Variants in LRMDA observed in about 807,000 individuals in gnomAD.
LRMDA encodes the protein leucine-rich melanocyte differentiation-associated protein.
LRMDA carries 18 observed loss-of-function variants against 29.8 expected under a neutral mutation model. That is an observed-to-expected ratio of 0.60 (90% CI 0.42 to 0.90). The LOEUF is 0.90. LRMDA is among the 40% of genes least tolerant of loss of function. The pLI, the probability that LRMDA is intolerant of heterozygous loss-of-function variation, is 0.00. For synonymous variants in LRMDA, 125 were observed against 109.4 expected, an observed-to-expected ratio of 1.14 and a Z score of -0.89; for missense variants, 273 against 273.9, an observed-to-expected ratio of 1.00 and a Z score of 0.02.
chr10:76,227,356 C>A (rs1165190043), intron 5 of LRMDA, among the ~76,000 whole-genome samples: 1 of 152,086 alleles, frequency 6.6e-6, no homozygotes, highest in African/African-American at 2.4e-5. Context: ...TATTCTTATG[C>A]AAGAGTCTTA....
rs1240460610 is a variant in LRMDA at position 75,438,392 on chromosome 10, A to C, written c.31-2A>C. On this transcript the variant is annotated splice_acceptor_variant, in intron 1 of 6. Transcript: ENST00000611255. LOFTEE classifies it high-confidence loss of function. ...ATTGTTTCTGTTCCATTTAATTTCC[A>C]GGTGTCCTACATAGGCCAGGACTGC... 1.3e-6 allele frequency: 2 copies of C among 1,549,408 alleles called. No individual in the cohort carries two copies. The highest frequency in any genetic ancestry group is 1.7e-6 in the Non-Finnish European group (2 of 1,145,640).
At chr10:76,328,980 A>C (rs1327592887) in intron 6 of LRMDA, among the ~76,000 whole-genome samples, 1 of 152,186 alleles carries the variant, frequency 6.6e-6, no homozygotes, top group South Asian at 2.1e-4. Flanking sequence ...AGCTTGCTGG[A>C]AAGTTTCTGT....
At chr10:76,214,394 G>GGAC (rs1564688281) in intron 5 of LRMDA, among the ~76,000 whole-genome samples, 2,207 of 134,948 alleles carry the variant, frequency 0.016, 53 homozygotes, top group African/African-American at 0.057. Context: ...GCCGGACTGC[G>GGAC]TCCGCAGTGG....
intron 2 of LRMDA, among the ~76,000 whole-genome samples, chr10:75,574,002 C>T (rs1840470291): frequency 6.6e-6 from 1 of 151,492 alleles, no homozygotes; most frequent in Non-Finnish European, 1.5e-5. Flanking sequence ...TTTTTCTGCC[C>T]AGAGGCATGA....
intron 2 of LRMDA, among the ~76,000 whole-genome samples, chr10:75,938,049 G>T (rs1846326369): frequency 1.3e-5 from 2 of 152,196 alleles, no homozygotes; most frequent in African/African-American, 4.8e-5. Flanking sequence ...GGAGGAAATT[G>T]TAGGACAAAT....
At chr10:76,484,078 CCTT>C (rs758041771) in intron 6 of LRMDA, among the ~76,000 whole-genome samples, 14 of 151,878 alleles carry the variant, frequency 9.2e-5, no homozygotes, top group East Asian at 2.0e-4. Context: ...TGCTCTTCCT[CCTT>C]CTTTTCCCTC....
intron 5 of LRMDA, among the ~76,000 whole-genome samples, chr10:76,110,778 C>G (rs1849564730): frequency 6.6e-6 from 1 of 152,166 alleles, no homozygotes; most frequent in Admixed American, 6.5e-5. Context: ...CCATGTGGAA[C>G]TGTAAGTCGA....
chr10:76,208,097 G>A (rs1018600796), intron 5 of LRMDA, among the ~76,000 whole-genome samples: 1 of 151,982 alleles, frequency 6.6e-6, no homozygotes, highest in Non-Finnish European at 1.5e-5. Context: ...AGTTTTTCTT[G>A]TACAAGATTG....
chr10:75,784,085 T>G (rs1843429894), intron 2 of LRMDA, among the ~76,000 whole-genome samples: 1 of 152,214 alleles, frequency 6.6e-6, no homozygotes, highest in African/African-American at 2.4e-5. Context: ...CTCTAGATTA[T>G]GTGTCTGGGT....
intron 6 of LRMDA, among the ~76,000 whole-genome samples, chr10:76,485,201 C>T (rs1453282598): frequency 6.6e-6 from 1 of 151,688 alleles, no homozygotes; most frequent in Non-Finnish European, 1.5e-5. Context: ...TGAACTTGTT[C>T]GTTGTTTCTT....
At chr10:75,987,075 T>G (rs1227991247) in intron 2 of LRMDA, among the ~76,000 whole-genome samples, 2 of 152,246 alleles carry the variant, frequency 1.3e-5, no homozygotes, top group Non-Finnish European at 2.9e-5. Context: ...TGGATTTTTT[T>G]TTTTAAGAGA....
At chr10:75,691,056 T>C (rs1291479199) in intron 2 of LRMDA, among the ~76,000 whole-genome samples, 2 of 138,528 alleles carry the variant, frequency 1.4e-5, no homozygotes, top group African/African-American at 5.3e-5. Context: ...GTGGCAGATA[T>C]ATATCTGCCA....
chr10:75,486,645 TG>T lies in LRMDA; in HGVS notation c.131+48159del, dbSNP rs1179883025. ...GAATTTGTAAAGGGGCATTCTGGTC[TG>T]GGGGGGGCAACATGAGCAAAGTTGG... is the stretch of plus-strand genomic sequence containing the variant. On this transcript the variant is annotated intron_variant, in intron 2 of 6. Transcript: ENST00000611255. Among the ~76,000 whole-genome samples, 15 of 151,080 alleles carry T rather than the reference TG, an allele frequency of 9.9e-5. No homozygotes were observed. The South Asian group carries it at 2.5e-3, about 25-fold the overall frequency.
chr10:75,596,101 T>G (rs956003723), intron 2 of LRMDA, among the ~76,000 whole-genome samples: 1 of 152,210 alleles, frequency 6.6e-6, no homozygotes, highest in African/African-American at 2.4e-5. Context: ...AATGAATAAA[T>G]GAAGATACTG....
At chr10:75,540,975 GT>G (rs147745801) in intron 2 of LRMDA, among the ~76,000 whole-genome samples, 3,811 of 149,540 alleles carry the variant, frequency 0.025, 173 homozygotes, top group African/African-American at 0.088. Flanking sequence ...AAGTTTTGTT[GT>G]TTTTTTTTTA....
intron 5 of LRMDA, among the ~76,000 whole-genome samples, chr10:76,180,466 A>G (rs1041534046): frequency 6.6e-6 from 1 of 151,732 alleles, no homozygotes; most frequent in Non-Finnish European, 1.5e-5. Context: ...TTTTTAGTAG[A>G]GATGGGGTTT....
chr10:75,905,378 A>G (rs774381760), intron 2 of LRMDA, among the ~76,000 whole-genome samples: 1 of 151,976 alleles, frequency 6.6e-6, no homozygotes, highest in Non-Finnish European at 1.5e-5. Context: ...TAGAATGACT[A>G]TAGTTTACAG....
intron 2 of LRMDA, among the ~76,000 whole-genome samples, chr10:76,031,933 G>T (rs997058606): frequency 1.3e-5 from 2 of 152,312 alleles, no homozygotes; most frequent in Non-Finnish European, 2.9e-5. Context: ...TGTTGGTGCA[G>T]CTCTGTCACC....
chr10:76,377,136 C>T (rs11813817), intron 6 of LRMDA, among the ~76,000 whole-genome samples: 11,285 of 151,968 alleles, frequency 0.074, 794 homozygotes, highest in African/African-American at 0.19. Flanking sequence ...CTGCCCACCT[C>T]GGCCTCCCAA....
Sources: allele counts gnomAD v4.1 joint callset (sites outside exome capture counted in the v4.1 genomes callset), GRCh38; gene constraint gnomAD v4.1.1; transcripts MANE v1.5; gene names NCBI Gene and HGNC (gene_info 2026-07-23, HGNC 2026-07-21).